PTPRS: variants seen among roughly 807,000 people sequenced by gnomAD.
PTPRS encodes the protein protein tyrosine phosphatase receptor type S.
In PTPRS, 63 loss-of-function variants were observed where a neutral mutation model predicts 215.3. That is an observed-to-expected ratio of 0.29 (90% CI 0.24 to 0.36). The LOEUF (loss-of-function observed/expected upper bound fraction) is 0.36. Among genes scored for constraint, PTPRS ranks in the 10% least tolerant of loss-of-function variants. The pLI, the probability that PTPRS is intolerant of heterozygous loss-of-function variation, is 1.00. For synonymous variants in PTPRS, 1,404 were observed against 1,191.4 expected (o/e 1.18, Z -3.68); for missense variants, 2,258 against 2,825.8 (o/e 0.80, Z 4.56).
rs61729775 is a variant in PTPRS, at chr19:5,212,076, G to A, written c.4944C>T (p.Ala1648=). The A allele has an allele frequency of 7.7e-3, 12,482 of 1,614,004 alleles. 884 individuals are homozygous for A. The African/African-American group carries it at 0.15, about 19-fold the overall frequency. The part of the protein sequence containing the change: ...YSFIHEALLE[A]VGCGNTEVPA... Reference sequence around the variant, plus strand: ...GCACTTCTGTGTTGCCACAGCCCACGGCCTCCAGCAGGGCCTCGTGGATGA... The same window carrying A: ...GCACTTCTGTGTTGCCACAGCCCACAGCCTCCAGCAGGGCCTCGTGGATGA... Residue 1648 remains alanine, a synonymous_variant, in exon 32 of 38, where the codon GCC becomes GCT. Transcript: ENST00000262963.
intron 1 of PTPRS, chr19:5,286,502 T>C (rs1396544536): frequency 1.0e-5 from 3 of 291,854 alleles, no homozygotes; most frequent in Non-Finnish European, 2.0e-5. Context: ...GGGAAGTGAC[T>C]AGGTCATGAG....
chr19:5,250,816 G>A (rs2044957245), intron 9 of PTPRS, among the ~76,000 whole-genome samples: 2 of 151,818 alleles, frequency 1.3e-5, no homozygotes, highest in Non-Finnish European at 2.9e-5. Context: ...TTGGGAGTGG[G>A]GGCGAGGGTA....
intron 1 of PTPRS, among the ~76,000 whole-genome samples, chr19:5,337,594 A>G (rs1396141395): frequency 6.6e-6 from 1 of 152,164 alleles, no homozygotes; most frequent in African/African-American, 2.4e-5. Context: ...TCCCAGAAAG[A>G]CGTTTGATGA....
At chr19:5,288,002 A>ACACACACG (rs2048506244) in intron 1 of PTPRS, among the ~76,000 whole-genome samples, 2 of 142,020 alleles carry the variant, frequency 1.4e-5, no homozygotes, top group South Asian at 4.4e-4. Context: ...ACACACACAC[A>ACACACACG]CACACACAAT....
At position 5,212,460 on chromosome 19, in the gene PTPRS, T is replaced by A; in HGVS notation, c.4646A>T (p.Gln1549Leu). 1 of 1,599,750 alleles carries A rather than the reference T, an allele frequency of 6.3e-7. No homozygotes were observed. Among genetic ancestry groups the A allele is most frequent in the East Asian group, 2.3e-5 (1 of 44,148 alleles). Residue 1549 changes from glutamine (Q) to leucine (L), a missense_variant, in exon 31 of 38, where the codon CAG becomes CTG. By Grantham distance (113) the Gln-to-Leu change is moderately radical. Coordinates refer to ENST00000262963, the MANE Select transcript of PTPRS (RefSeq NM_002850.4). Reference sequence around the variant, plus strand: ...GTCCGGCCACGCCGTAAACTGGAACTGGCGGACCTCGCGTTTCTCACTGGA... The same window carrying A: ...GTCCGGCCACGCCGTAAACTGGAACAGGCGGACCTCGCGTTTCTCACTGGA... The part of the protein sequence containing the change: ...NGSSEKREVR[Q>L]FQFTAWPDHG...
intron 9 of PTPRS, among the ~76,000 whole-genome samples, chr19:5,246,473 C>A (rs2044491421): frequency 6.6e-6 from 1 of 152,236 alleles, no homozygotes; most frequent in Non-Finnish European, 1.5e-5. Context: ...CTCATCTTTG[C>A]AGACAGCAGT....
At chr19:5,285,701 G>A (rs899878026) in intron 2 of PTPRS, among the ~76,000 whole-genome samples, 2 of 152,208 alleles carry the variant, frequency 1.3e-5, no homozygotes, top group Non-Finnish European at 2.9e-5. Context: ...AACGTGGAAG[G>A]TAACAGAACT....
intron 4 of PTPRS, 136 bp from the exon 5 acceptor site, chr19:5,265,332 C>G: frequency 1.4e-6 from 1 of 735,640 alleles, no homozygotes; most frequent in Non-Finnish European, 2.2e-6. Flanking sequence ...GGGTGCCATC[C>G]TTTACAGCCA....
In PTPRS at chr19:5,206,133, T is replaced by C. The variant is rs1158411097; in HGVS notation, c.*641A>G. Among the ~76,000 whole-genome samples, 1 of 142,570 alleles carries C rather than the reference T, an allele frequency of 7.0e-6. No homozygotes were observed. The highest frequency in any genetic ancestry group is 1.5e-5 in the Non-Finnish European group (1 of 66,152). The allele number at this position is 142,570 out of a possible 152,430, so 93.5% of individuals were successfully genotyped here. ...GCGTGCGCGTTTGCGAACGTAACTA[T>C]CACACAAGGACGCTTTCTACAGTGA... On this transcript the variant is annotated 3_prime_UTR_variant, in exon 38 of 38. Coordinates refer to ENST00000262963, the MANE Select transcript of PTPRS (RefSeq NM_002850.4).
chr19:5,260,688 T>G (rs2045919409), intron 7 of PTPRS, 117 bp downstream of exon 7: 1 of 1,310,030 alleles, frequency 7.6e-7, no homozygotes, highest in African/African-American at 1.5e-5. Context: ...GGAACAAAGG[T>G]GGTGGCAGGG....
At chr19:5,218,077 A>C (rs894764349) in intron 25 of PTPRS, among the ~76,000 whole-genome samples, 1 of 152,136 alleles carries the variant, frequency 6.6e-6, no homozygotes, top group African/African-American at 2.4e-5. Context: ...AAAACCAGAG[A>C]CATAAACAGA....
chr19:5,213,272 G>A (rs966432139), intron 30 of PTPRS, among the ~76,000 whole-genome samples: 19 of 144,066 alleles, frequency 1.3e-4, no homozygotes, highest in Non-Finnish European at 2.6e-4. Context: ...AGTCAGATCT[G>A]GTACCTCCTC....
At chr19:5,272,595 CAAA>C (rs10527451) in intron 4 of PTPRS, among the ~76,000 whole-genome samples, 19 of 73,418 alleles carry the variant, frequency 2.6e-4, no homozygotes, top group South Asian at 6.3e-4. Context: ...AAGACTGTCT[CAAA>C]AAAAAAAAAA....
intron 14 of PTPRS, among the ~76,000 whole-genome samples, chr19:5,230,770 C>G (rs1273160207): frequency 2.6e-5 from 4 of 152,122 alleles, no homozygotes; most frequent in African/African-American, 9.7e-5. Context: ...CAAGAAGTTG[C>G]AATTTTATTG....
chr19:5,254,225 T>C (rs2045376679), intron 9 of PTPRS, among the ~76,000 whole-genome samples: 1 of 152,212 alleles, frequency 6.6e-6, no homozygotes, highest in Non-Finnish European at 1.5e-5. Flanking sequence ...GCTGGGTTAA[T>C]AAGCAAATCT....
chr19:5,232,945 C>G (rs1440523032), intron 13 of PTPRS, among the ~76,000 whole-genome samples: 1 of 147,896 alleles, frequency 6.8e-6, no homozygotes, highest in Non-Finnish European at 1.5e-5. Flanking sequence ...TATTGAACAC[C>G]TAGTATGTGC....
At chr19:5,239,343 GGA>G (rs981013701) in intron 12 of PTPRS, among the ~76,000 whole-genome samples, 103 of 151,636 alleles carry the variant, frequency 6.8e-4, no homozygotes, top group African/African-American at 2.4e-3. Context: ...GAGAAACAGG[GGA>G]GAGAGTCAGA....
At chr19:5,310,161 C>G (rs998239153) in intron 1 of PTPRS, among the ~76,000 whole-genome samples, 9 of 152,320 alleles carry the variant, frequency 5.9e-5, no homozygotes, top group Middle Eastern at 6.8e-3. Context: ...GCTGTGCCCT[C>G]TGCCTGGAAC....
rs1007716029 is a variant in PTPRS at position 5,244,668 on chromosome 19, G to C, written c.989-186C>G. Among the ~76,000 whole-genome samples the C allele has an allele frequency of 3.9e-5, 6 of 152,116 alleles. No individual in the cohort carries two copies. The highest frequency in any genetic ancestry group is 5.9e-5 in the Non-Finnish European group (4 of 68,032). ...CAAACTATGGCCCAGGGTCCACCCA[G>C]TACCCATTTTCTTTTTTTAATTTTT... On this transcript the variant is annotated intron_variant, in intron 10 of 37. Coordinates refer to ENST00000262963, the MANE Select transcript of PTPRS (RefSeq NM_002850.4). This position sits in a 1 kb window ranked among gnomAD's most constrained non-coding sequence, Gnocchi z 7.2.
Sources: gnomAD v4.1 joint callset for allele counts (sites outside exome capture counted in the v4.1 genomes callset) on GRCh38, gnomAD v4.1.1 for gene constraint, Gnocchi (gnomAD v3.1) non-coding constraint, MANE v1.5 for transcripts, NCBI Gene and HGNC (gene_info 2026-07-23, HGNC 2026-07-21) for gene names.